RIF1: variants seen among roughly 807,000 people sequenced by gnomAD.
The protein encoded by RIF1 is replication timing regulatory factor 1.
Under a neutral mutation model 247.1 loss-of-function variants are expected in RIF1, and 45 were observed. The observed-to-expected ratio is 0.18, with a 90% CI of 0.14 to 0.23. The LOEUF (loss-of-function observed/expected upper bound fraction) is 0.23. RIF1 is among the 10% of genes least tolerant of loss of function. RIF1 has a pLI of 1.00. For missense variants in RIF1, 2,967 were observed against 2,862.5 expected (o/e 1.04, Z -0.83); for synonymous variants, 1,087 against 978.8 (o/e 1.11, Z -2.06).
intron 13 of RIF1, chr2:151,507,625 A>G (rs1201077928): frequency 4.6e-6 from 1 of 216,372 alleles, no homozygotes; most frequent in African/African-American, 2.3e-5. Context: ...CCGCATCTCT[A>G]TCCATAAAAA....
At chr2:151,505,500 T>C in intron 12 of RIF1, 1 of 1,613,846 alleles carries the variant, frequency 6.2e-7, no homozygotes, top group South Asian at 1.1e-5. Flanking sequence ...CTTCTGCGTC[T>C]CCTTCACACG....
At chr2:151,501,570 A>G (rs1031555299) in intron 11 of RIF1, 3 of 640,772 alleles carry the variant, frequency 4.7e-6, no homozygotes, top group Non-Finnish European at 7.3e-6. Context: ...TAAAAGAAGT[A>G]TTTTTATTGT....
At chr2:151,459,399 T>A (rs1016211280) in intron 25 of RIF1, among the ~76,000 whole-genome samples, 2 of 152,170 alleles carry the variant, frequency 1.3e-5, no homozygotes, top group African/African-American at 4.8e-5. Flanking sequence ...TGAGCTAGAG[T>A]GTTCTTAGAA....
rs770430488 is a variant in RIF1, at chr2:151,463,123, A to G, written c.3603A>G (p.Ser1201=). 6.2e-7 allele frequency: 1 copy of G among 1,613,836 alleles called. No individual in the cohort carries two copies. The highest frequency in any genetic ancestry group is 8.5e-7 in the Non-Finnish European group (1 of 1,179,834). Residue 1201 remains serine (S), a synonymous_variant, in exon 30 of 36, where the codon TCA becomes TCG. Coordinates refer to ENST00000444746, the MANE Select transcript of RIF1 (RefSeq NM_018151.5). ...ATTCTTTCGTTGTCAGCAGTAGTTCAGTTTCTAATACCACTGTTGCTGGAA... is the reference window on the plus strand; with the variant it reads ...ATTCTTTCGTTGTCAGCAGTAGTTCGGTTTCTAATACCACTGTTGCTGGAA... ...TENSFVVSSS[S]VSNTTVAGTP... is the part of the protein sequence containing the mutation.
At chr2:151,444,853 A>G (rs1325783962) in intron 18 of RIF1, among the ~76,000 whole-genome samples, 3 of 152,204 alleles carry the variant, frequency 2.0e-5, no homozygotes, top group East Asian at 1.9e-4. Context: ...ATTACAGCCA[A>G]CTGGTGACTT....
chr2:151,451,635 T>C lies in RIF1; in HGVS notation c.2274T>C (p.Tyr758=), dbSNP rs1296178180. The change falls in exon 21 of 36, where the codon TAT becomes TAC. Residue 758 remains tyrosine (Y), a synonymous_variant. Transcript: ENST00000444746. ...TGTTGTTCGTGGATAGAATTATTTA[T>C]ATTATTACTGTAATGGTTGATTGCA... ...SNLLFVDRII[Y]IITVMVDCID... The C allele has an allele frequency of 6.8e-7, 1 of 1,470,572 alleles. No homozygotes were observed. The highest frequency in any genetic ancestry group is 9.5e-7 in the Non-Finnish European group (1 of 1,050,642). The allele number at this position is 1,470,572 out of a possible 1,614,324, so 91.1% of individuals were successfully genotyped here. A position where few individuals can be genotyped will look rare whatever the true frequency, so the allele number is the denominator to read the frequency against.
the RIF1 span, among the ~76,000 whole-genome samples, chr2:151,517,610 C>T: frequency 6.6e-6 from 1 of 152,120 alleles, no homozygotes; most frequent in African/African-American, 2.4e-5. Flanking sequence ...TTACACAAAC[C>T]TAGATGGTAT....
Position 151,416,685 on chromosome 2 carries a change from A to G in RIF1, c.405A>G (p.Lys135=). 6.2e-7 allele frequency: 1 copy of G among 1,612,516 alleles called. No individual in the cohort carries two copies. The highest frequency in any genetic ancestry group is 8.5e-7 in the Non-Finnish European group (1 of 1,179,646). The change falls in exon 5 of 36, where the codon AAA becomes AAG. Residue 135 remains lysine, a synonymous_variant. Coordinates refer to ENST00000444746, the MANE Select transcript of RIF1 (RefSeq NM_018151.5). ...CATTTCCCTCTGAAGTGGTTGGCAA[A>G]ATGGTGAGTATAGTTTTTGGGTATG... ...KQTFPSEVVG[K]MVSSIIDSLE...
chr2:151,465,157 A>G lies in RIF1; in HGVS notation c.5637A>G (p.Thr1879=). 1.2e-6 allele frequency: 2 copies of G among 1,613,714 alleles called. No individual in the cohort carries two copies. Among genetic ancestry groups the G allele is most frequent in the Non-Finnish European group, 1.7e-6 (2 of 1,179,904 alleles). The change falls in exon 30 of 36, where the codon ACA becomes ACG. Residue 1879 remains threonine (T), a synonymous_variant. Coordinates refer to ENST00000444746, the MANE Select transcript of RIF1 (RefSeq NM_018151.5). ...SKNVSQESLE[T]KEEKPEETPK... is the part of the protein sequence containing the mutation. ...ATGTTTCACAGGAATCTTTGGAGAC[A>G]AAAGAAGAAAAACCAGAAGAAACCC... is the stretch of plus-strand genomic sequence containing the variant.
intron 34 of RIF1, 31 bp downstream of exon 34, chr2:151,469,895 A>G: frequency 6.6e-7 from 1 of 1,508,074 alleles, no homozygotes; most frequent in Non-Finnish European, 9.0e-7. Context: ...TATGATGTAT[A>G]TTAATAAATG....
chr2:151,502,762 A>C, intron 11 of RIF1: 1 of 1,038,662 alleles, frequency 9.6e-7, no homozygotes, highest in Admixed American at 2.0e-5. Context: ...AAATTAAGGG[A>C]TTTTTTTTTT....
chr2:151,448,754 C>T lies in RIF1; in HGVS notation c.2244+2179C>T, dbSNP rs1309124103. Among the ~76,000 whole-genome samples the T allele has an allele frequency of 6.6e-5, 10 of 152,276 alleles. 1 individual carries two copies. In the South Asian group the frequency reaches 1.0e-3, roughly 16 times the overall value. On this transcript the variant is annotated intron_variant, in intron 20 of 35. Coordinates refer to ENST00000444746, the MANE Select transcript of RIF1 (RefSeq NM_018151.5). Reference sequence around the variant, plus strand: ...ACTTTATTATGTTATTTCACCCACACTCCATGAGGTTAGGGACATTGTCTG... The same window carrying T: ...ACTTTATTATGTTATTTCACCCACATTCCATGAGGTTAGGGACATTGTCTG...
At position 151,410,524 on chromosome 2, in the gene RIF1, C is replaced by T; in HGVS notation, c.101C>T (p.Thr34Ile). 6.2e-7 allele frequency: 1 copy of T among 1,611,870 alleles called. No individual in the cohort carries two copies. The highest frequency in any genetic ancestry group is 1.1e-5 in the South Asian group (1 of 90,904). ...GGQTDAYLTL[T>I]SRMTGEEGKE... is the part of the protein sequence containing the mutation. ...CAGACTGACGCTTACCTGACTCTGACCAGGTGAGGTCCGCCACGGGGCGTA... is the reference window on the plus strand; with the variant it reads ...CAGACTGACGCTTACCTGACTCTGATCAGGTGAGGTCCGCCACGGGGCGTA... Residue 34 changes from threonine to isoleucine, a missense_variant, in exon 2 of 36, where the codon ACC becomes ATC. By Grantham distance (89) the Thr-to-Ile change is moderately conservative (BLOSUM62 -1). Around this residue, in one of 7 missense-constraint regions of RIF1, gnomAD observed 269 missense variants for 288.6 expected, o/e 0.93. Coordinates refer to ENST00000444746, the MANE Select transcript of RIF1 (RefSeq NM_018151.5).
downstream of RIF1, among the ~76,000 whole-genome samples, chr2:151,509,151 C>A (rs867959278): frequency 6.6e-6 from 1 of 152,124 alleles, no homozygotes. Context: ...TGTAATCTTG[C>A]CAGAGACAAC....
Position 151,468,108 on chromosome 2 carries a change from G to A in RIF1, c.6709G>A (p.Gly2237Arg). ...RSHSSNSSPI[G>R]KSVKTSPTTQ... ...CCATTCTTCCAATAGTTCTCCCATA[G>A]GAAAAAGTGTTAAAACTTCTCCTAC... is the stretch of plus-strand genomic sequence containing the variant. The change falls in exon 31 of 36, where the codon GGA becomes AGA. Residue 2237 changes from glycine to arginine, a missense_variant. By Grantham distance (125) the Gly-to-Arg change is moderately radical. Transcript: ENST00000444746. 6.2e-7 allele frequency: 1 copy of A among 1,613,314 alleles called. No individual in the cohort carries two copies. Among genetic ancestry groups the A allele is most frequent in the African/African-American group, 1.3e-5 (1 of 74,918 alleles).
the RIF1 span, chr2:151,524,592 C>T: frequency 6.6e-7 from 1 of 1,515,784 alleles, no homozygotes; most frequent in Non-Finnish European, 8.9e-7. Context: ...TGCAGGTTCT[C>T]TTTGGCATCT....
At chr2:151,515,906 A>G in the RIF1 span, among the ~76,000 whole-genome samples, 39,966 of 152,104 alleles carry the variant, frequency 0.26, 6,204 homozygotes, top group Non-Finnish European at 0.36. Flanking sequence ...AAATAAGCCC[A>G]TTTCCCACTG....
downstream of RIF1, among the ~76,000 whole-genome samples, chr2:151,512,019 CTTTTTTT>C (rs71403173): frequency 6.3e-3 from 586 of 93,524 alleles, 7 homozygotes; most frequent in African/African-American, 9.5e-3. Flanking sequence ...CCCTCTCACT[CTTTTTTT>C]TTTTTTTTTT....
At chr2:151,459,410 A>C in intron 25 of RIF1, among the ~76,000 whole-genome samples, 1 of 152,178 alleles carries the variant, frequency 6.6e-6, no homozygotes, top group Admixed American at 6.5e-5. Context: ...GTTCTTAGAA[A>C]ACCTTTTTCT....
Sources: allele counts gnomAD v4.1 joint callset (sites outside exome capture counted in the v4.1 genomes callset), GRCh38; gene constraint gnomAD v4.1.1; regional missense constraint gnomAD v4.1.1; transcripts MANE v1.5; gene names NCBI Gene and HGNC (gene_info 2026-07-23, HGNC 2026-07-21).